The following HSD17B12 variants were observed in gnomAD, a reference collection of about 807,000 sequenced individuals.
The protein encoded by HSD17B12 is hydroxysteroid 17-beta dehydrogenase 12.
HSD17B12 carries 32 observed loss-of-function variants against 39.3 expected under a neutral mutation model. That is an observed-to-expected ratio of 0.81 (90% CI 0.61 to 1.09). The LOEUF (loss-of-function observed/expected upper bound fraction) is 1.09. Among genes scored for constraint, HSD17B12 ranks in the 50% least tolerant of loss-of-function variants. HSD17B12 has a pLI of 0.00. For synonymous variants in HSD17B12, 150 were observed against 146.7 expected (o/e 1.02, Z -0.16); for missense variants, 342 against 382.9 (o/e 0.89, Z 0.89).
chr11:43,736,071 T>G (rs1189349033), intron 1 of HSD17B12, among the ~76,000 whole-genome samples: 2 of 152,196 alleles, frequency 1.3e-5, no homozygotes, highest in Non-Finnish European at 2.9e-5. Flanking sequence ...TTGATAGCCT[T>G]TTAATTCTTA....
chr11:43,680,318 C>T (rs1949728345), upstream of HSD17B12, among the ~76,000 whole-genome samples: 2 of 152,284 alleles, frequency 1.3e-5, no homozygotes, highest in Middle Eastern at 3.4e-3. Flanking sequence ...GCGATTCGCC[C>T]GCCTCGGCCT....
At chr11:43,706,346 C>A (rs906254066) in intron 1 of HSD17B12, among the ~76,000 whole-genome samples, 7 of 152,114 alleles carry the variant, frequency 4.6e-5, no homozygotes, top group African/African-American at 1.4e-4. Context: ...GAGTTCGAGA[C>A]CAGCCTGGCC....
the HSD17B12 span, among the ~76,000 whole-genome samples, chr11:43,580,107 G>T: frequency 6.6e-6 from 1 of 151,342 alleles, no homozygotes; most frequent in Admixed American, 6.6e-5. Context: ...GAAGGGTGGC[G>T]CTGCACTGCG....
At chr11:43,595,165 G>T in the HSD17B12 span, among the ~76,000 whole-genome samples, 1 of 152,208 alleles carries the variant, frequency 6.6e-6, no homozygotes, top group Admixed American at 6.5e-5. Context: ...AAGAGTCAAA[G>T]GGCTCCATGT....
intron 1 of HSD17B12, among the ~76,000 whole-genome samples, chr11:43,687,633 C>T (rs554491367): frequency 2.9e-4 from 44 of 152,236 alleles, no homozygotes; most frequent in African/African-American, 9.1e-4. Context: ...CCTCATGAAA[C>T]GAGGGCTGAG....
At chr11:43,578,434 C>G in the HSD17B12 span, among the ~76,000 whole-genome samples, 1 of 152,184 alleles carries the variant, frequency 6.6e-6, no homozygotes. Context: ...GGAAGGTTCC[C>G]TGACTGAGAC....
At position 43,771,200 on chromosome 11, in the gene HSD17B12, G is replaced by T. The variant is rs530352078; in HGVS notation, c.283+17079G>T. Among the ~76,000 whole-genome samples, 6 of 151,994 alleles carry T rather than the reference G, an allele frequency of 3.9e-5. No individual in the cohort carries two copies. In the East Asian group the frequency reaches 1.2e-3, roughly 29 times the overall value. The stretch of plus-strand genomic sequence containing the variant: ...TACAGTATAGTTTCTTTTGAGTTTT[G>T]GCTTCTTCAGCTCAGCATTAATGTT... On this transcript the variant is annotated intron_variant, in intron 3 of 10. Transcript: ENST00000278353.
the HSD17B12 span, among the ~76,000 whole-genome samples, chr11:43,599,107 G>T: frequency 6.6e-6 from 1 of 152,112 alleles, no homozygotes; most frequent in South Asian, 2.1e-4. Flanking sequence ...TCTGCTCAAC[G>T]ATCTATCCAT....
chr11:43,719,780 AG>A (rs1410846340), intron 1 of HSD17B12, among the ~76,000 whole-genome samples: 1 of 152,076 alleles, frequency 6.6e-6, no homozygotes. Flanking sequence ...TCATATTTGT[AG>A]CTGAGTAGCT....
intron 1 of HSD17B12, among the ~76,000 whole-genome samples, chr11:43,745,351 A>G (rs1950403427): frequency 6.6e-6 from 1 of 152,208 alleles, no homozygotes; most frequent in Non-Finnish European, 1.5e-5. Flanking sequence ...GAGTGACTTT[A>G]TGTAGTTTCA....
chr11:43,590,952 A>G, the HSD17B12 span, among the ~76,000 whole-genome samples: 1 of 152,060 alleles, frequency 6.6e-6, no homozygotes, highest in Middle Eastern at 3.4e-3. Flanking sequence ...CTTTTCAGCT[A>G]ATTAAGGGTC....
At chr11:43,709,183 T>C (rs538321763) in intron 1 of HSD17B12, among the ~76,000 whole-genome samples, 54 of 152,290 alleles carry the variant, frequency 3.5e-4, no homozygotes, top group African/African-American at 1.2e-3. Context: ...TGGAGTGCAG[T>C]GGCATGATCT....
At chr11:43,584,711 T>G in the HSD17B12 span, 2 of 152,246 alleles carry the variant, frequency 1.3e-5, no homozygotes, top group Non-Finnish European at 2.9e-5. Context: ...TTTCTTCGCC[T>G]GAGCAGACCC....
chr11:43,724,755 G>A (rs1019722739), intron 1 of HSD17B12, among the ~76,000 whole-genome samples: 1 of 152,212 alleles, frequency 6.6e-6, no homozygotes, highest in African/African-American at 2.4e-5. Context: ...TTAGGGTTTC[G>A]ACTATGAATT....
chr11:43,558,851 G>A, the HSD17B12 span, among the ~76,000 whole-genome samples: 2 of 152,066 alleles, frequency 1.3e-5, no homozygotes, highest in Non-Finnish European at 2.9e-5. Context: ...GAGGGTGCTT[G>A]GAAGATAGAA....
At chr11:43,669,154 G>A in the HSD17B12 span, among the ~76,000 whole-genome samples, 2 of 152,040 alleles carry the variant, frequency 1.3e-5, no homozygotes, top group East Asian at 1.9e-4. Flanking sequence ...CCAAGTGTGT[G>A]TCTTAGGTCT....
chr11:43,763,611 TTA>T (rs34924658), intron 3 of HSD17B12, among the ~76,000 whole-genome samples: 63 of 145,638 alleles, frequency 4.3e-4, no homozygotes, highest in African/African-American at 1.3e-3. Context: ...TAAGGTTATC[TTA>T]TATATATATA....
At chr11:43,563,122 A>C in the HSD17B12 span, among the ~76,000 whole-genome samples, 5 of 152,206 alleles carry the variant, frequency 3.3e-5, no homozygotes, top group African/African-American at 4.8e-5. Context: ...GGACAGAAGA[A>C]AGTAATCCCT....
At chr11:43,761,895 A>G (rs1277247803) in intron 3 of HSD17B12, among the ~76,000 whole-genome samples, 3 of 152,062 alleles carry the variant, frequency 2.0e-5, no homozygotes, top group Non-Finnish European at 4.4e-5. Context: ...AGCAGTCATG[A>G]ATCTGCCCAG....
Sources: gnomAD v4.1 joint callset for allele counts (sites outside exome capture counted in the v4.1 genomes callset) on GRCh38, gnomAD v4.1.1 for gene constraint, MANE v1.5 for transcripts, NCBI Gene and HGNC (gene_info 2026-07-23, HGNC 2026-07-21) for gene names.